ERICH5: variants seen among roughly 807,000 people sequenced by gnomAD.
ERICH5 encodes glutamate-rich protein 5.
In ERICH5, 24 loss-of-function variants were observed where a neutral mutation model predicts 28.0. That is an observed-to-expected ratio of 0.86 (90% CI 0.62 to 1.21). The LOEUF (loss-of-function observed/expected upper bound fraction) is 1.21. ERICH5 is among the 50% of genes most tolerant of loss of function. ERICH5 has a pLI of 0.00. For synonymous variants in ERICH5, 163 were observed against 157.6 expected (o/e 1.03, Z -0.25); for missense variants, 421 against 441.2 (o/e 0.95, Z 0.41).
At chr8:98,086,635 T>C (rs556822554) in intron 1 of ERICH5, among the ~76,000 whole-genome samples, 155 of 152,226 alleles carry the variant, frequency 1.0e-3, no homozygotes, top group Non-Finnish European at 1.6e-3. Context: ...TTTTAAATAA[T>C]TAATATATAA....
intron 2 of ERICH5, among the ~76,000 whole-genome samples, chr8:98,091,851 T>G (rs887236846): frequency 1.3e-4 from 11 of 84,112 alleles, no homozygotes; most frequent in African/African-American, 5.0e-4. Flanking sequence ...TTTCTTTCTT[T>G]CTTTCTTTCT....
Position 98,089,346 on chromosome 8 carries a change from T to C in ERICH5, c.329T>C (p.Leu110Pro). Reference sequence around the variant, plus strand: ...GAAAAGACTCAGCCTGGAGAGGGACTGGAGGAATCTGGGCCGCCTCAACCA... The same window carrying C: ...GAAAAGACTCAGCCTGGAGAGGGACCGGAGGAATCTGGGCCGCCTCAACCA... ...STEKTQPGEG[L>P]EESGPPQPGG... The change falls in exon 2 of 3, where the codon CTG (leucine) becomes CCG (proline). Residue 110 changes from leucine (L) to proline (P), a missense_variant. By Grantham distance (98) the Leu-to-Pro change is moderately conservative. Transcript: ENST00000318528. 3 of 1,614,192 alleles carry C rather than the reference T, an allele frequency of 1.9e-6. No individual in the cohort carries two copies. The highest frequency in any genetic ancestry group is 2.5e-6 in the Non-Finnish European group (3 of 1,180,046).
At chr8:98,086,768 G>C (rs1397441887) in intron 1 of ERICH5, among the ~76,000 whole-genome samples, 1 of 152,060 alleles carries the variant, frequency 6.6e-6, no homozygotes, top group African/African-American at 2.4e-5. Flanking sequence ...GGCTAACATG[G>C]TGAAACCCCA....
intron 1 of ERICH5, among the ~76,000 whole-genome samples, chr8:98,067,886 G>A (rs1046648816): frequency 6.6e-6 from 1 of 152,068 alleles, no homozygotes; most frequent in African/African-American, 2.4e-5. Context: ...TTATAGGCAT[G>A]AGCCACCACG....
At chr8:98,085,473 T>G (rs1211812788) in intron 1 of ERICH5, among the ~76,000 whole-genome samples, 1 of 152,116 alleles carries the variant, frequency 6.6e-6, no homozygotes, top group Non-Finnish European at 1.5e-5. Flanking sequence ...GTTCCACAGA[T>G]TTTTTGACCT....
At chr8:98,077,864 C>G (rs1009482666) in intron 1 of ERICH5, among the ~76,000 whole-genome samples, 17 of 152,176 alleles carry the variant, frequency 1.1e-4, no homozygotes, top group South Asian at 2.1e-4. Flanking sequence ...GTCACCATGC[C>G]TAGCCTATTC....
chr8:98,084,601 G>A (rs554403144), intron 1 of ERICH5, among the ~76,000 whole-genome samples: 7 of 151,882 alleles, frequency 4.6e-5, no homozygotes, highest in Non-Finnish European at 8.8e-5. Flanking sequence ...GGCTGGTCTC[G>A]AACTCCGGAC....
chr8:98,090,110 A>T, intron 2 of ERICH5, 81 bp downstream of exon 2: 1 of 1,030,944 alleles, frequency 9.7e-7, no homozygotes. Context: ...GGGGTGACTG[A>T]CACACAGTCC....
At chr8:98,075,855 T>C (rs1815043339) in intron 1 of ERICH5, among the ~76,000 whole-genome samples, 4 of 145,854 alleles carry the variant, frequency 2.7e-5, no homozygotes, top group African/African-American at 1.0e-4. Flanking sequence ...GCTCAAGTTA[T>C]TCACCCATCC....
chr8:98,079,781 C>T (rs963706462), intron 1 of ERICH5, among the ~76,000 whole-genome samples: 1 of 152,172 alleles, frequency 6.6e-6, no homozygotes, highest in African/African-American at 2.4e-5. Flanking sequence ...CTCGGGTGAT[C>T]CACCTGCCTT....
intron 1 of ERICH5, among the ~76,000 whole-genome samples, chr8:98,085,126 G>T (rs891986907): frequency 7.9e-6 from 1 of 125,796 alleles, no homozygotes; most frequent in African/African-American, 3.1e-5. Flanking sequence ...TGGTGTGAAC[G>T]TTCCACAGCC....
intron 1 of ERICH5, among the ~76,000 whole-genome samples, chr8:98,080,297 C>T (rs1815156177): frequency 1.3e-5 from 2 of 152,230 alleles, no homozygotes; most frequent in Non-Finnish European, 2.9e-5. Flanking sequence ...AGGTTAGGAA[C>T]TAACTTGTCC....
intron 1 of ERICH5, among the ~76,000 whole-genome samples, chr8:98,070,659 T>A (rs1586197849): frequency 1.8e-4 from 1 of 5,528 alleles, no homozygotes; most frequent in Non-Finnish European, 4.4e-4. Context: ...AAACTGCATC[T>A]CAAAAAAAAA....
intron 1 of ERICH5, among the ~76,000 whole-genome samples, chr8:98,077,153 T>C (rs981088285): frequency 6.6e-6 from 1 of 151,552 alleles, no homozygotes; most frequent in East Asian, 1.9e-4. Flanking sequence ...GGGATAACAA[T>C]AGTCCCCCTA....
intron 1 of ERICH5, among the ~76,000 whole-genome samples, chr8:98,086,848 G>A (rs893279850): frequency 1.3e-5 from 2 of 151,768 alleles, no homozygotes; most frequent in Non-Finnish European, 2.9e-5. Context: ...CTACTCGGGA[G>A]GCTGAGGCAG....
chr8:98,091,885 TTTCTTTCTTTCTTTCC>T (rs1815400269), intron 2 of ERICH5, among the ~76,000 whole-genome samples: 6 of 92,622 alleles, frequency 6.5e-5, no homozygotes, highest in African/African-American at 1.7e-4. Flanking sequence ...TCTTTCTTTC[TTTCTTTCTTTCTTTCC>T]TTTCTTTCTT....
At position 98,075,785 on chromosome 8, in the gene ERICH5, C is replaced by CTTTTTTT. The variant is rs1296283210; in HGVS notation, c.58+11071_58+11077dup. Among the ~76,000 whole-genome samples, 12 of 81,630 alleles carry CTTTTTTT rather than the reference C, an allele frequency of 1.5e-4. 2 individuals carry two copies. The highest frequency in any genetic ancestry group is 2.8e-4 in the African/African-American group (6 of 21,694). 53.6% of individuals were successfully genotyped at this position (81,630 alleles called of 152,430 possible). Reference sequence around the variant, plus strand: ...TAACTCCCATCTCAAGCACACCTGCCTTTTTTTTTTTTTTTTTTTGAGACA... The same window carrying CTTTTTTT: ...TAACTCCCATCTCAAGCACACCTGCCTTTTTTTTTTTTTTTTTTTTTTTTTTGAGACA... On this transcript the variant is annotated intron_variant, in intron 1 of 2. Transcript: ENST00000318528.
intron 1 of ERICH5, 119 bp from the exon 2 acceptor site, chr8:98,088,957 T>C: frequency 5.5e-6 from 4 of 726,330 alleles, no homozygotes; most frequent in Non-Finnish European, 8.9e-6. Flanking sequence ...CTCAGATATA[T>C]TTGGAACTGT....
In ERICH5 at chr8:98,089,641, A is replaced by G; in HGVS notation, c.624A>G (p.Thr208=). 6.2e-7 allele frequency: 1 copy of G among 1,614,104 alleles called. No individual in the cohort carries two copies. The highest frequency in any genetic ancestry group is 8.5e-7 in the Non-Finnish European group (1 of 1,179,964). ...QIAGELQPQG[T]VGKDEQAPLL... ...CTGGAGAGCTACAACCTCAGGGCACAGTGGGAAAGGATGAGCAGGCCCCGC... is the reference window on the plus strand; with the variant it reads ...CTGGAGAGCTACAACCTCAGGGCACGGTGGGAAAGGATGAGCAGGCCCCGC... Residue 208 remains threonine, a synonymous_variant, in exon 2 of 3, where the codon ACA becomes ACG. Coordinates refer to ENST00000318528, the MANE Select transcript of ERICH5 (RefSeq NM_173549.3).
Sources: allele counts gnomAD v4.1 joint callset (sites outside exome capture counted in the v4.1 genomes callset), GRCh38; gene constraint gnomAD v4.1.1; transcripts MANE v1.5; gene names NCBI Gene and HGNC (gene_info 2026-07-23, HGNC 2026-07-21).